Variants in ABCA1 observed in about 807,000 individuals in gnomAD.
The protein encoded by ABCA1 is phospholipid-transporting ATPase ABCA1.
ABCA1 carries 133 observed loss-of-function variants against 262.5 expected under a neutral mutation model. The ratio of observed to expected loss-of-function variants is 0.51; its 90% confidence interval spans 0.44 to 0.59. ABCA1 has a LOEUF of 0.59. Ranked by LOEUF, ABCA1 falls within the 20% of genes least tolerant of loss-of-function variation. The probability of loss-of-function intolerance (pLI) is 0.00; values close to 1 mark genes in which losing one functional copy is unlikely to be tolerated. For missense variants in ABCA1, 2,452 were observed against 2,777.5 expected, an observed-to-expected ratio of 0.88 and a Z score of 2.63; for synonymous variants, 1,022 against 1,043.5, an observed-to-expected ratio of 0.98 and a Z score of 0.40.
intron 5 of ABCA1, among the ~76,000 whole-genome samples, chr9:104,871,677 G>C (rs1837618658): frequency 6.6e-6 from 1 of 152,132 alleles, no homozygotes; most frequent in South Asian, 2.1e-4. Context: ...TCTACCTGAA[G>C]ACCAGAGAGG....
At chr9:104,796,516 A>C (rs1366225813) in intron 37 of ABCA1, 92 bp from the exon 38 acceptor site, 1 of 912,838 alleles carries the variant, frequency 1.1e-6, no homozygotes, top group Admixed American at 2.0e-5. Flanking sequence ...AAGAAAGGGC[A>C]GATAAACATA....
At chr9:104,819,000 C>T in intron 22 of ABCA1, 117 bp from the exon 23 acceptor site, 1 of 941,346 alleles carries the variant, frequency 1.1e-6, no homozygotes, top group Non-Finnish European at 1.7e-6. Context: ...GACCTGGAAG[C>T]CACCTTTCAC....
intron 1 of ABCA1, among the ~76,000 whole-genome samples, chr9:104,922,490 C>A (rs898121859): frequency 7.2e-5 from 11 of 152,176 alleles, no homozygotes; most frequent in Non-Finnish European, 1.5e-4. Context: ...ACCTAGCCTG[C>A]CTATACCTCA....
intron 18 of ABCA1, among the ~76,000 whole-genome samples, chr9:104,823,054 A>C (rs2118978275): frequency 6.6e-6 from 1 of 150,426 alleles, no homozygotes; most frequent in Admixed American, 6.6e-5. Flanking sequence ...CTAAGGGAAT[A>C]CTGCTGAGTG....
chr9:104,825,598 G>A, intron 17 of ABCA1, 85 bp downstream of exon 17: 1 of 1,383,190 alleles, frequency 7.2e-7, no homozygotes. Flanking sequence ...TCCCAGGGAA[G>A]CCCATGCACT....
At chr9:104,894,488 G>C (rs1470565642) in intron 2 of ABCA1, among the ~76,000 whole-genome samples, 1 of 152,214 alleles carries the variant, frequency 6.6e-6, no homozygotes, top group Non-Finnish European at 1.5e-5. Context: ...TACCAGGGTT[G>C]TGAGTGCTTT....
At chr9:104,841,561 C>A (rs962362008) in intron 8 of ABCA1, among the ~76,000 whole-genome samples, 1 of 152,224 alleles carries the variant, frequency 6.6e-6, no homozygotes, top group African/African-American at 2.4e-5. Flanking sequence ...CTCCATGCTT[C>A]ACGGAGCTCG....
At position 104,862,049 on chromosome 9, in the gene ABCA1, T is replaced by TAC. The variant is rs35010837; in HGVS notation, c.422-251_422-250dup. Among the ~76,000 whole-genome samples, 65,654 of 144,850 alleles carry TAC rather than the reference T, an allele frequency of 0.45. 14,526 individuals carry two copies. Among genetic ancestry groups the TAC allele is most frequent in the Non-Finnish European group, 0.49 (32,483 of 66,324 alleles). The stretch of plus-strand genomic sequence containing the variant: ...AACTCAAACAGTGTGATGGTGCTGT[T>TAC]ACACACACACACACACACACACACA... On this transcript the variant is annotated intron_variant, in intron 5 of 49. Transcript: ENST00000374736.
intron 6 of ABCA1, among the ~76,000 whole-genome samples, chr9:104,860,053 CAAAAA>C (rs200596186): frequency 3.2e-5 from 2 of 62,712 alleles, no homozygotes; most frequent in South Asian, 6.2e-4. Context: ...GACTCCAACT[CAAAAA>C]AAAAAAAAAA....
chr9:104,907,941 T>A lies in ABCA1; in HGVS notation c.-92-4170A>T, dbSNP rs148829528. ...ACAGTTTGGGCATGGCAGAAGTGAC[T>A]GCTGGAAACCTTTGGCCAATTTTTT... On this transcript the variant is annotated intron_variant, in intron 1 of 49. Transcript: ENST00000374736. 1.8e-4 allele frequency among the ~76,000 whole-genome samples: 27 copies of A among 152,356 alleles called. No homozygotes were observed. The East Asian group carries it at 4.0e-3, about 23-fold the overall frequency.
rs1005864633 is a variant in ABCA1, at chr9:104,816,320, G to A, written c.3561C>T (p.Ile1187=). 8.1e-6 allele frequency: 13 copies of A among 1,613,836 alleles called. No individual in the cohort carries two copies. Among genetic ancestry groups the A allele is most frequent in the Non-Finnish European group, 1.1e-5 (13 of 1,180,030 alleles). Residue 1187 remains isoleucine, a synonymous_variant, in exon 25 of 50, where the codon ATC becomes ATT. Transcript: ENST00000374736. ...GCCGGGCTTCAGACACATGCTTCCT[G>A]ATGAGGTTGGAGATAGCAGAGACAT... is the stretch of plus-strand genomic sequence containing the variant. ...TIDVSAISNL[I]RKHVSEARLV...
At chr9:104,785,700 G>T (rs1828867150) in intron 48 of ABCA1, 61 bp from the exon 49 acceptor site, 4 of 1,601,648 alleles carry the variant, frequency 2.5e-6, no homozygotes, top group Non-Finnish European at 3.4e-6. Context: ...AAAGAATACT[G>T]AACCCTGGGA....
In ABCA1 at chr9:104,884,003, G is replaced by A. The variant is rs184454821; in HGVS notation, c.302+424C>T. Among the ~76,000 whole-genome samples, 9 of 152,290 alleles carry A rather than the reference G, an allele frequency of 5.9e-5. No individual in the cohort carries two copies. In the East Asian group the frequency reaches 1.7e-3, roughly 29 times the overall value. Reference sequence around the variant, plus strand: ...ATGGGGCAGTGACAGAGGTGAGAGAGGTGACCTGATGCAGAGAAGACAGAA... The same window carrying A: ...ATGGGGCAGTGACAGAGGTGAGAGAAGTGACCTGATGCAGAGAAGACAGAA... On this transcript the variant is annotated intron_variant, in intron 4 of 49. Transcript: ENST00000374736.
rs1463603443 is a variant in ABCA1, at chr9:104,862,684, CG to C, written c.422-885del. On this transcript the variant is annotated intron_variant, in intron 5 of 49. Coordinates refer to ENST00000374736, the MANE Select transcript of ABCA1 (RefSeq NM_005502.4). ...CGGGCCGGGCCGGGCCGGGCCGGGC[CG>C]GGCCGGGCCGGGCCGGCCCCCACCC... Among the ~76,000 whole-genome samples, 55 of 8,816 alleles carry C rather than the reference CG, an allele frequency of 6.2e-3. 8 individuals are homozygous for C. Among genetic ancestry groups the C allele is most frequent in the Middle Eastern group, 0.071 (1 of 14 alleles). 5.8% of individuals were successfully genotyped at this position (8,816 alleles called of 152,430 possible).
chr9:104,790,380 T>A (rs972485619), intron 44 of ABCA1, among the ~76,000 whole-genome samples: 1 of 152,196 alleles, frequency 6.6e-6, no homozygotes, highest in Non-Finnish European at 1.5e-5. Flanking sequence ...ATAAGGAATT[T>A]ATTAAATAAA....
intron 27 of ABCA1, 62 bp downstream of exon 27, chr9:104,814,056 G>A (rs773351249): frequency 1.2e-5 from 19 of 1,530,152 alleles, no homozygotes; most frequent in Non-Finnish European, 1.4e-5. Context: ...AAACAGGTGA[G>A]AGCATGAGAG....
At position 104,821,429 on chromosome 9, in the gene ABCA1, C is replaced by A. The variant is rs1290835007; in HGVS notation, c.2906G>T (p.Ser969Ile). ...GACCCCCAGGTTCTGCCGGATGGTG[C>A]TCATCTCAGAGCGAATGTCTTTTCC... Reference protein sequence around the residue: ...ILGKDIRSEMSTIRQNLGVCP... With the variant: ...ILGKDIRSEMITIRQNLGVCP... Residue 969 changes from serine to isoleucine, a missense_variant, in exon 20 of 50, where the codon AGC becomes ATC. Coordinates refer to ENST00000374736, the MANE Select transcript of ABCA1 (RefSeq NM_005502.4). 1 of 1,614,148 alleles carries A rather than the reference C, an allele frequency of 6.2e-7. No individual in the cohort carries two copies. The highest frequency in any genetic ancestry group is 8.5e-7 in the Non-Finnish European group (1 of 1,180,042).
Position 104,831,748 on chromosome 9 carries a change from C to T in ABCA1, c.1589G>A (p.Arg530Lys). 1 of 1,614,238 alleles carries T rather than the reference C, an allele frequency of 6.2e-7. No individual in the cohort carries two copies. Among genetic ancestry groups the T allele is most frequent in the South Asian group, 1.1e-5 (1 of 91,084 alleles). The change falls in exon 13 of 50, where the codon AGG (arginine) becomes AAG (lysine). Residue 530 changes from arginine to lysine, a missense_variant. Around this residue, in one of 4 missense-constraint regions of ABCA1, gnomAD observed 1,032 missense variants for 1,089.7 expected, o/e 0.95. Transcript: ENST00000374736. ...GAACACAATACCAGCCCAGAACTTC[C>T]TCTCATCCAGCAGCTCCATGGACTT... Reference protein sequence around the residue: ...INKSMELLDERKFWAGIVFTG... With the variant: ...INKSMELLDEKKFWAGIVFTG...
chr9:104,837,635 T>G (rs917493684), intron 9 of ABCA1, 68 bp from the exon 10 acceptor site: 1 of 1,588,824 alleles, frequency 6.3e-7, no homozygotes. Flanking sequence ...TACAAGGGCT[T>G]TGGAGCCAGA....
Sources: allele counts gnomAD v4.1 joint callset (sites outside exome capture counted in the v4.1 genomes callset), GRCh38; gene constraint gnomAD v4.1.1; regional missense constraint gnomAD v4.1.1; transcripts MANE v1.5; gene names NCBI Gene and HGNC (gene_info 2026-07-23, HGNC 2026-07-21).